The following HNRNPM variants were observed in gnomAD, a reference collection of about 807,000 sequenced individuals.
HNRNPM encodes the protein heterogeneous nuclear ribonucleoprotein M, also known as CEA receptor.
A neutral mutation model predicts 73.1 loss-of-function variants in HNRNPM; 11 were observed. That is an observed-to-expected ratio of 0.15 (90% CI 0.09 to 0.25). HNRNPM has a LOEUF of 0.25. Among genes scored for constraint, HNRNPM ranks in the 10% least tolerant of loss-of-function variants. HNRNPM has a pLI of 1.00. For missense variants in HNRNPM, 789 were observed against 1,067.9 expected (o/e 0.74, Z 3.64); for synonymous variants, 407 against 355.2 (o/e 1.15, Z -1.64).
intron 2 of HNRNPM, among the ~76,000 whole-genome samples, chr19:8,461,755 C>T (rs976049269): frequency 4.7e-5 from 4 of 84,404 alleles, no homozygotes; most frequent in African/African-American, 1.2e-4. Context: ...GTTTAGAAAG[C>T]GGCAAGAATG....
intron 1 of HNRNPM, among the ~76,000 whole-genome samples, chr19:8,454,531 A>G (rs953573614): frequency 6.6e-6 from 1 of 152,144 alleles, no homozygotes; most frequent in East Asian, 1.9e-4. Context: ...TAGTGCTGCT[A>G]TGAACATTGG....
intron 12 of HNRNPM, among the ~76,000 whole-genome samples, chr19:8,477,170 C>G (rs1970571429): frequency 6.6e-6 from 1 of 152,146 alleles, no homozygotes; most frequent in Non-Finnish European, 1.5e-5. Flanking sequence ...CTAGATTCTT[C>G]AAGGCCCTCT....
chr19:8,473,581 G>C (rs948474408), intron 10 of HNRNPM, 83 bp from the exon 11 acceptor site: 6 of 831,188 alleles, frequency 7.2e-6, no homozygotes, highest in Non-Finnish European at 2.0e-6. Flanking sequence ...TTCTTTTGCT[G>C]GTTTGGAATT....
intron 1 of HNRNPM, among the ~76,000 whole-genome samples, chr19:8,450,949 C>G (rs1169321594): frequency 1.3e-5 from 2 of 151,996 alleles, no homozygotes; most frequent in African/African-American, 4.8e-5. Flanking sequence ...TCTTGTCGCC[C>G]AGGCTGGAGT....
chr19:8,461,419 G>A (rs965000174), intron 2 of HNRNPM, among the ~76,000 whole-genome samples: 5 of 152,166 alleles, frequency 3.3e-5, no homozygotes, highest in African/African-American at 4.8e-5. Context: ...AAACCAAACC[G>A]ATCCAGAGGA....
intron 11 of HNRNPM, 109 bp from the exon 12 acceptor site, chr19:8,474,058 A>G (rs1970338164): frequency 1.3e-6 from 1 of 783,216 alleles, no homozygotes; most frequent in Admixed American, 2.9e-5. Flanking sequence ...AAACTTGGTA[A>G]GTTCTTGGCA....
At chr19:8,447,961 G>A (rs1399410383) in intron 1 of HNRNPM, among the ~76,000 whole-genome samples, 1 of 152,128 alleles carries the variant, frequency 6.6e-6, no homozygotes, top group Non-Finnish European at 1.5e-5. Context: ...GGGAGGCAGA[G>A]CTTGCAGTGA....
In HNRNPM at chr19:8,462,689, A is replaced by C; in HGVS notation, c.336+108A>C. 1 of 929,896 alleles carries C rather than the reference A, an allele frequency of 1.1e-6. No homozygotes were observed. The highest frequency in any genetic ancestry group is 1.8e-6 in the Non-Finnish European group (1 of 563,468). 57.6% of individuals were successfully genotyped at this position (929,896 alleles called of 1,614,324 possible). ...GGAAGGCAGTGAGTGCTCATGTTACAGTAGCTATGTTTGATTTTGCCAAAC... is the reference window on the plus strand; with the variant it reads ...GGAAGGCAGTGAGTGCTCATGTTACCGTAGCTATGTTTGATTTTGCCAAAC... On this transcript the variant is annotated intron_variant, in intron 3 of 15. Coordinates refer to ENST00000325495, the MANE Select transcript of HNRNPM (RefSeq NM_005968.5). The surrounding 1 kb of genome is among the most constrained non-coding windows in gnomAD (Gnocchi z 4.5).
At chr19:8,487,329 C>G (rs75617635) in intron 15 of HNRNPM, 5,673 of 458,786 alleles carry the variant, frequency 0.012, 76 homozygotes, top group African/African-American at 0.036. Context: ...GTAGTGTCCC[C>G]ATTTCACAGA....
At chr19:8,473,967 G>T (rs1439814537) in intron 11 of HNRNPM, among the ~76,000 whole-genome samples, 200 bp from the exon 12 acceptor site, 4 of 151,744 alleles carry the variant, frequency 2.6e-5, no homozygotes, top group African/African-American at 7.3e-5. Flanking sequence ...TCATTGAGGG[G>T]GTTGGATCAG....
At chr19:8,456,953 T>G (rs1360078284) in intron 2 of HNRNPM, among the ~76,000 whole-genome samples, 1 of 152,240 alleles carries the variant, frequency 6.6e-6, no homozygotes, top group East Asian at 1.9e-4. Context: ...TTTTTGGGAC[T>G]GCTGCTTCAA....
chr19:8,459,587 A>T (rs375196823), intron 2 of HNRNPM, among the ~76,000 whole-genome samples: 11 of 152,330 alleles, frequency 7.2e-5, no homozygotes, highest in South Asian at 2.1e-4. Flanking sequence ...GTTAAAAAAA[A>T]ATATATAGGT....
intron 12 of HNRNPM, among the ~76,000 whole-genome samples, chr19:8,480,099 C>T (rs1970803996): frequency 1.5e-5 from 2 of 136,088 alleles, no homozygotes; most frequent in South Asian, 2.7e-4. Flanking sequence ...ACTTACTGGC[C>T]GGGCGCGGTG....
intron 13 of HNRNPM, among the ~76,000 whole-genome samples, chr19:8,484,661 T>C (rs1971147447): frequency 6.6e-6 from 1 of 152,218 alleles, no homozygotes; most frequent in South Asian, 2.1e-4. Context: ...CAGAGCCAGT[T>C]AGAGAAACTG....
chr19:8,474,186 T>A lies in HNRNPM; in HGVS notation c.1062T>A (p.Gly354=). The change falls in exon 12 of 16, where the codon GGT becomes GGA. Residue 354 remains glycine, a synonymous_variant. Coordinates refer to ENST00000325495, the MANE Select transcript of HNRNPM (RefSeq NM_005968.5). ...TTGCAGGAATGGAGGGGCCCTTTGGTGGTGGTATGGAAAACATGGGTCGAT... is the reference window on the plus strand; with the variant it reads ...TTGCAGGAATGGAGGGGCCCTTTGGAGGTGGTATGGAAAACATGGGTCGAT... The part of the protein sequence containing the change: ...NKMGGMEGPF[G]GGMENMGRFG... 6.3e-7 allele frequency: 1 copy of A among 1,598,710 alleles called. No homozygotes were observed. Among genetic ancestry groups the A allele is most frequent in the South Asian group, 1.1e-5 (1 of 88,770 alleles).
In HNRNPM at chr19:8,462,987, C is replaced by T. The variant is rs956888160; in HGVS notation, c.336+406C>T. Reference sequence around the variant, plus strand: ...TGAAAGTTGTGTGAACCAAAGATTCCGAAAAGTTGCCTTTGTGCCAGTAAA... The same window carrying T: ...TGAAAGTTGTGTGAACCAAAGATTCTGAAAAGTTGCCTTTGTGCCAGTAAA... On this transcript the variant is annotated intron_variant, in intron 3 of 15. Transcript: ENST00000325495. The surrounding 1 kb of genome is among the most constrained non-coding windows in gnomAD (Gnocchi z 4.5). Among the ~76,000 whole-genome samples the T allele has an allele frequency of 2.0e-5, 3 of 152,132 alleles. No individual in the cohort carries two copies. The highest frequency in any genetic ancestry group is 4.4e-5 in the Non-Finnish European group (3 of 68,028).
intron 12 of HNRNPM, among the ~76,000 whole-genome samples, chr19:8,481,938 G>A (rs912685987): frequency 4.0e-5 from 6 of 149,848 alleles, no homozygotes; most frequent in Non-Finnish European, 8.9e-5. Context: ...TGGGGTGCAG[G>A]TGCTTTTGTT....
chr19:8,479,493 G>A (rs185331484), intron 12 of HNRNPM, among the ~76,000 whole-genome samples: 5 of 152,136 alleles, frequency 3.3e-5, no homozygotes, highest in Admixed American at 6.5e-5. Flanking sequence ...TTTTAATACA[G>A]TCTCTCCCTG....
intron 1 of HNRNPM, among the ~76,000 whole-genome samples, chr19:8,454,497 T>C (rs922184706): frequency 6.6e-6 from 1 of 152,192 alleles, no homozygotes; most frequent in Non-Finnish European, 1.5e-5. Flanking sequence ...CACTTGGTTG[T>C]TTCTACCTTT....
Sources: gnomAD v4.1 joint callset for allele counts (sites outside exome capture counted in the v4.1 genomes callset) on GRCh38, gnomAD v4.1.1 for gene constraint, Gnocchi (gnomAD v3.1) non-coding constraint, MANE v1.5 for transcripts, NCBI Gene and HGNC (gene_info 2026-07-23, HGNC 2026-07-21) for gene names.